The following TMIGD1 variants were observed in gnomAD, a reference collection of about 807,000 sequenced individuals.
The protein encoded by TMIGD1 is transmembrane and immunoglobulin domain-containing protein 1.
In TMIGD1, 29 loss-of-function variants were observed where a neutral mutation model predicts 27.5. That is an observed-to-expected ratio of 1.05 (90% CI 0.78 to 1.44). The LOEUF is 1.44. TMIGD1 is among the 40% of genes most tolerant of loss of function. The probability of loss-of-function intolerance (pLI) is 0.00; values close to 1 mark genes in which losing one functional copy is unlikely to be tolerated. For missense variants in TMIGD1, 334 were observed against 310.6 expected, an observed-to-expected ratio of 1.08 and a Z score of -0.57; for synonymous variants, 109 against 110.3, an observed-to-expected ratio of 0.99 and a Z score of 0.07.
intron 1 of TMIGD1, among the ~76,000 whole-genome samples, chr17:30,333,519 C>T (rs1370561966): frequency 6.6e-6 from 1 of 152,030 alleles, no homozygotes; most frequent in Non-Finnish European, 1.5e-5. Flanking sequence ...TGGGAGTTCT[C>T]TCCCCTTAAC....
chr17:30,326,877 T>C (rs1481231468), intron 3 of TMIGD1, among the ~76,000 whole-genome samples: 3 of 152,204 alleles, frequency 2.0e-5, no homozygotes, highest in African/African-American at 7.2e-5. Context: ...CCCCAAACAG[T>C]GTATTATCAA....
intron 3 of TMIGD1, 87 bp from the exon 4 acceptor site, chr17:30,325,181 G>A: frequency 7.1e-7 from 1 of 1,411,968 alleles, no homozygotes; most frequent in Non-Finnish European, 9.6e-7. Flanking sequence ...TCTATCTCAT[G>A]TGGTCATTTA....
chr17:30,330,061 G>A (rs1909925574), intron 2 of TMIGD1, among the ~76,000 whole-genome samples: 1 of 152,102 alleles, frequency 6.6e-6, no homozygotes, highest in Admixed American at 6.6e-5. Context: ...CTCCAGTCTG[G>A]GTGATAGAGC....
chr17:30,328,178 G>A (rs1355659913), intron 3 of TMIGD1, among the ~76,000 whole-genome samples: 1 of 151,956 alleles, frequency 6.6e-6, no homozygotes, highest in Non-Finnish European at 1.5e-5. Flanking sequence ...GAGATTACAG[G>A]TGCCTACCAC....
chr17:30,329,568 A>G lies in TMIGD1; in HGVS notation c.83-39T>C, dbSNP rs1909907846. On this transcript the variant is annotated intron_variant, in intron 2 of 6. Transcript: ENST00000328886. ...GAGAAACTATTTAGATATACAGAGT[A>G]AACAACCTTAATGCTCATGAACAGG... 1.9e-6 allele frequency: 3 copies of G among 1,561,510 alleles called. No individual in the cohort carries two copies. The African/African-American group carries it at 4.1e-5, about 21-fold the overall frequency.
At chr17:30,317,005 T>C (rs1909436067) in intron 6 of TMIGD1, 188 bp downstream of exon 6, 4 of 687,698 alleles carry the variant, frequency 5.8e-6, no homozygotes, top group Non-Finnish European at 1.0e-5. Flanking sequence ...AAAGGTGTTC[T>C]CTATTCTAGG....
At chr17:30,330,480 T>C (rs961280732) in intron 2 of TMIGD1, among the ~76,000 whole-genome samples, 1 of 152,230 alleles carries the variant, frequency 6.6e-6, no homozygotes, top group Non-Finnish European at 1.5e-5. Context: ...AAAGCTCTAA[T>C]AATTACTACA....
intron 4 of TMIGD1, among the ~76,000 whole-genome samples, chr17:30,322,881 T>C (rs199843825): frequency 6.6e-6 from 1 of 152,202 alleles, no homozygotes; most frequent in East Asian, 1.9e-4. Context: ...CTGTTGAAAG[T>C]GACTTTGGTC....
At chr17:30,317,084 C>A in intron 6 of TMIGD1, 109 bp downstream of exon 6, 1 of 1,268,836 alleles carries the variant, frequency 7.9e-7, no homozygotes. Context: ...TCCTTTGAAC[C>A]CCTTCCCCTT....
In TMIGD1 at chr17:30,324,834, A is replaced by T; in HGVS notation, c.622T>A (p.Phe208Ile). Residue 208 changes from phenylalanine (F) to isoleucine (I), a missense_variant, in exon 4 of 7, where the codon TTT becomes ATT. Phe to Ile is a conservative substitution (Grantham distance 21). Coordinates refer to ENST00000328886, the MANE Select transcript of TMIGD1 (RefSeq NM_206832.3). ...KSSLKTESLD[F>I]HLIVKDKTVG... ...GCATTACCTTTAACAATCAGGTGAA[A>T]GTCCAAGCTCTCCGTTTTCAGAGAT... The T allele has an allele frequency of 6.8e-6, 11 of 1,614,056 alleles. No individual in the cohort carries two copies. The highest frequency in any genetic ancestry group is 9.3e-6 in the Non-Finnish European group (11 of 1,179,918).
chr17:30,324,021 G>T (rs958301395), intron 4 of TMIGD1, among the ~76,000 whole-genome samples: 2 of 152,174 alleles, frequency 1.3e-5, no homozygotes, highest in Admixed American at 6.5e-5. Context: ...AACACTTCTG[G>T]CAGGGGTTCA....
chr17:30,324,374 T>C (rs1003596863), intron 4 of TMIGD1, among the ~76,000 whole-genome samples: 1 of 152,196 alleles, frequency 6.6e-6, no homozygotes, highest in Admixed American at 6.5e-5. Flanking sequence ...CTCTGCTGAT[T>C]ACCCTACAGG....
At chr17:30,331,018 C>G (rs1909958901) in intron 2 of TMIGD1, among the ~76,000 whole-genome samples, 1 of 152,050 alleles carries the variant, frequency 6.6e-6, no homozygotes, top group Admixed American at 6.6e-5. Context: ...CATAGTGAAA[C>G]CCTGTCTCTA....
At chr17:30,319,261 A>AAAAAAAAATATAT in intron 4 of TMIGD1, among the ~76,000 whole-genome samples, 2 of 69,066 alleles carry the variant, frequency 2.9e-5, no homozygotes, top group African/African-American at 1.8e-4. Context: ...AAAAAAAAAA[A>AAAAAAAAATATAT]ATATATATAT....
intron 1 of TMIGD1, among the ~76,000 whole-genome samples, chr17:30,332,393 T>G (rs1252567673): frequency 6.6e-6 from 1 of 152,220 alleles, no homozygotes; most frequent in Non-Finnish European, 1.5e-5. Context: ...CTATGACAGA[T>G]AGAGCAGCGT....
At chr17:30,316,833 G>A (rs1488899218) in intron 6 of TMIGD1, 143 bp from the exon 7 acceptor site, 1 of 776,718 alleles carries the variant, frequency 1.3e-6, no homozygotes, top group South Asian at 1.7e-5. Context: ...GCTAAACAAA[G>A]CTGCAAAGAG....
intron 1 of TMIGD1, among the ~76,000 whole-genome samples, chr17:30,332,743 T>C (rs1183711343): frequency 6.6e-6 from 1 of 152,090 alleles, no homozygotes; most frequent in Non-Finnish European, 1.5e-5. Context: ...ATAATAAAGG[T>C]GTCCTTTCTC....
chr17:30,320,756 C>T (rs1286980671), intron 4 of TMIGD1, among the ~76,000 whole-genome samples: 1 of 152,168 alleles, frequency 6.6e-6, no homozygotes, highest in Non-Finnish European at 1.5e-5. Context: ...ACTTGGGAGG[C>T]TGGGGCAGGA....
chr17:30,317,118 T>C, intron 6 of TMIGD1, 75 bp downstream of exon 6: 3 of 1,506,792 alleles, frequency 2.0e-6, no homozygotes, highest in Non-Finnish European at 2.8e-6. Flanking sequence ...TCTCTGGAGT[T>C]TGTCTAGAGT....
Sources: allele counts gnomAD v4.1 joint callset (sites outside exome capture counted in the v4.1 genomes callset), GRCh38; gene constraint gnomAD v4.1.1; transcripts MANE v1.5; gene names NCBI Gene and HGNC (gene_info 2026-07-23, HGNC 2026-07-21).